RANBP2: variants seen among roughly 807,000 people sequenced by gnomAD.
RANBP2 encodes the protein RAN binding protein 2, also known as E3 SUMO-protein ligase RanBP2.
In RANBP2, 57 loss-of-function variants were observed where a neutral mutation model predicts 303.6. The observed-to-expected ratio is 0.19, with a 90% CI of 0.15 to 0.23. RANBP2 has a LOEUF of 0.23. Among genes scored for constraint, RANBP2 ranks in the 10% least tolerant of loss-of-function variants. The probability of loss-of-function intolerance (pLI) is 1.00; values close to 1 mark genes in which losing one functional copy is unlikely to be tolerated. For synonymous variants in RANBP2, 1,167 were observed against 1,301.5 expected (o/e 0.90, Z 2.23); for missense variants, 3,138 against 3,780.8 (o/e 0.83, Z 4.46).
At chr2:109,316,589 G>A in the RANBP2 span, among the ~76,000 whole-genome samples, 1 of 152,194 alleles carries the variant, frequency 6.6e-6, no homozygotes, top group Admixed American at 6.5e-5. Context: ...GCAAGATTGA[G>A]CAGAAGGTAC....
the RANBP2 span, among the ~76,000 whole-genome samples, chr2:109,297,661 C>G: frequency 6.6e-6 from 1 of 151,470 alleles, no homozygotes; most frequent in African/African-American, 2.4e-5. Context: ...GTGTCCCCCA[C>G]CCTGGTCAGT....
At chr2:109,671,190 G>T in the RANBP2 span, among the ~76,000 whole-genome samples, 2 of 152,224 alleles carry the variant, frequency 1.3e-5, no homozygotes, top group African/African-American at 4.8e-5. Context: ...GATATTGGAG[G>T]CTGGAGGCTG....
the RANBP2 span, among the ~76,000 whole-genome samples, chr2:109,487,969 G>A: frequency 6.6e-6 from 1 of 152,224 alleles, no homozygotes; most frequent in Admixed American, 6.5e-5. Context: ...GGGATGAACA[G>A]CCACCAGGCC....
the RANBP2 span, among the ~76,000 whole-genome samples, chr2:109,319,829 C>A: frequency 3.3e-5 from 5 of 152,320 alleles, no homozygotes; most frequent in Middle Eastern, 6.8e-3. Context: ...GCACCTCTGT[C>A]CCCTTAGAGG....
the RANBP2 span, among the ~76,000 whole-genome samples, chr2:109,269,662 C>T: frequency 1.3e-5 from 2 of 151,982 alleles, no homozygotes; most frequent in African/African-American, 4.8e-5. Flanking sequence ...GTGCCTAGTC[C>T]CAGCTACTCA....
the RANBP2 span, among the ~76,000 whole-genome samples, chr2:109,090,820 C>T: frequency 6.6e-6 from 1 of 152,024 alleles, no homozygotes. Context: ...TAAGAGTTCA[C>T]TTCTTAAATT....
At chr2:109,675,221 T>C in the RANBP2 span, among the ~76,000 whole-genome samples, 2 of 152,204 alleles carry the variant, frequency 1.3e-5, no homozygotes, top group Non-Finnish European at 2.9e-5. Flanking sequence ...TCCCTCTGTC[T>C]GATCTTGAAG....
chr2:109,472,507 G>T, the RANBP2 span, among the ~76,000 whole-genome samples: 54 of 152,322 alleles, frequency 3.5e-4, no homozygotes, highest in Non-Finnish European at 5.9e-4. Context: ...GTGGAAAGAA[G>T]AGCTTTGATT....
At chr2:109,553,110 T>C in the RANBP2 span, 1 of 1,613,120 alleles carries the variant, frequency 6.2e-7, no homozygotes, top group African/African-American at 1.3e-5. Context: ...TCTTTCAATA[T>C]GGCTTCTTTC....
chr2:109,403,356 C>T, the RANBP2 span, among the ~76,000 whole-genome samples: 14 of 152,184 alleles, frequency 9.2e-5, no homozygotes, highest in Admixed American at 3.9e-4. Flanking sequence ...TCAGCTTCCC[C>T]GACTGTGTGG....
chr2:109,570,175 T>G, the RANBP2 span, among the ~76,000 whole-genome samples: 723 of 152,342 alleles, frequency 4.7e-3, 2 homozygotes, highest in Middle Eastern at 0.017. Context: ...AGGATTTTGA[T>G]AAGGCAGTCC....
At chr2:108,880,285 C>T in the RANBP2 span, among the ~76,000 whole-genome samples, 2 of 151,512 alleles carry the variant, frequency 1.3e-5, no homozygotes, top group Non-Finnish European at 2.9e-5. Flanking sequence ...GGGGACAGTA[C>T]TGTAGATTCC....
intron 1 of RANBP2, among the ~76,000 whole-genome samples, chr2:108,725,461 A>T (rs1694624962): frequency 6.6e-6 from 1 of 152,168 alleles, no homozygotes; most frequent in Non-Finnish European, 1.5e-5. Context: ...CTATTTCTTC[A>T]TTTTGAAAAG....
chr2:109,334,518 G>A, the RANBP2 span, among the ~76,000 whole-genome samples: 3 of 152,168 alleles, frequency 2.0e-5, no homozygotes, highest in African/African-American at 7.2e-5. Flanking sequence ...TTGGCTAAAG[G>A]AAGGGTGCTA....
the RANBP2 span, among the ~76,000 whole-genome samples, chr2:108,941,623 T>C: frequency 1.4e-4 from 21 of 152,308 alleles, no homozygotes; most frequent in African/African-American, 5.1e-4. Flanking sequence ...AACGATCTCC[T>C]TGGCCCAGAG....
At chr2:109,412,455 G>A in the RANBP2 span, among the ~76,000 whole-genome samples, 1 of 152,238 alleles carries the variant, frequency 6.6e-6, no homozygotes, top group Non-Finnish European at 1.5e-5. Context: ...GAACAGGACA[G>A]CAGGCATGGT....
chr2:109,080,314 C>T, the RANBP2 span, among the ~76,000 whole-genome samples: 7 of 152,038 alleles, frequency 4.6e-5, no homozygotes, highest in Admixed American at 1.3e-4. Flanking sequence ...TGGGAAGTGG[C>T]GGCAGCAGGG....
At chr2:109,197,564 G>A in the RANBP2 span, among the ~76,000 whole-genome samples, 3 of 152,226 alleles carry the variant, frequency 2.0e-5, no homozygotes, top group Non-Finnish European at 4.4e-5. Context: ...GGCCGGGGAG[G>A]GGTGGGAGGC....
the RANBP2 span, among the ~76,000 whole-genome samples, chr2:109,659,916 C>A: frequency 5.3e-5 from 8 of 152,146 alleles, no homozygotes; most frequent in Non-Finnish European, 1.0e-4. Flanking sequence ...AAGCAAATGC[C>A]CAGATAGCAA....
Sources: gnomAD v4.1 joint callset for allele counts (sites outside exome capture counted in the v4.1 genomes callset) on GRCh38, gnomAD v4.1.1 for gene constraint, MANE v1.5 for transcripts, NCBI Gene and HGNC (gene_info 2026-07-23, HGNC 2026-07-21) for gene names.